Variants in MAP3K5 observed in about 807,000 individuals in gnomAD.
MAP3K5 encodes the protein ASK-1.
MAP3K5 carries 56 observed loss-of-function variants against 158.7 expected under a neutral mutation model. The observed-to-expected ratio is 0.35, with a 90% CI of 0.28 to 0.44. MAP3K5 has a LOEUF of 0.44. Ranked by LOEUF, MAP3K5 falls within the 20% of genes least tolerant of loss-of-function variation. The pLI is 1.00. For missense variants in MAP3K5, 1,294 were observed against 1,674.8 expected, an observed-to-expected ratio of 0.77 and a Z score of 3.97; for synonymous variants, 579 against 601.7, an observed-to-expected ratio of 0.96 and a Z score of 0.55.
chr6:136,647,247 A>G (rs891227533), intron 11 of MAP3K5, among the ~76,000 whole-genome samples: 23 of 152,194 alleles, frequency 1.5e-4, no homozygotes, highest in African/African-American at 5.3e-4. Context: ...AGCAACCATT[A>G]TGGAGCACTT....
intron 11 of MAP3K5, among the ~76,000 whole-genome samples, chr6:136,648,279 A>C (rs1778361251): frequency 6.6e-6 from 1 of 152,234 alleles, no homozygotes; most frequent in Admixed American, 6.5e-5. Context: ...CACAGTGGCA[A>C]ATATTGGCAT....
chr6:136,627,061 C>A (rs1240640443), intron 14 of MAP3K5, among the ~76,000 whole-genome samples: 2 of 152,162 alleles, frequency 1.3e-5, no homozygotes, highest in South Asian at 2.1e-4. Context: ...TTGTTAATAT[C>A]CATGGAACAT....
intron 13 of MAP3K5, 93 bp from the exon 14 acceptor site, chr6:136,637,499 GA>G: frequency 2.6e-6 from 2 of 770,000 alleles, no homozygotes; most frequent in Non-Finnish European, 4.7e-6. Flanking sequence ...CCAAAACTGA[GA>G]GCTAAGAGAG....
intron 25 of MAP3K5, among the ~76,000 whole-genome samples, chr6:136,575,702 A>G (rs1223581757): frequency 2.6e-5 from 4 of 152,218 alleles, no homozygotes; most frequent in Non-Finnish European, 5.9e-5. Flanking sequence ...TCTTGTGATT[A>G]GGTTGAGGTT....
chr6:136,593,758 T>G, intron 21 of MAP3K5: 1 of 414,246 alleles, frequency 2.4e-6, no homozygotes. Context: ...CAGAAACATC[T>G]TTATCAAACA....
intron 23 of MAP3K5, among the ~76,000 whole-genome samples, chr6:136,584,224 C>A (rs535556644): frequency 6.6e-6 from 1 of 152,120 alleles, no homozygotes; most frequent in African/African-American, 2.4e-5. Flanking sequence ...AGGATCTCAA[C>A]CTGAAAGTCT....
rs189916392 is a variant in MAP3K5 at position 136,639,515 on chromosome 6, T to C, written c.1934+28A>G. ...AAATAATGATCAGGTAAGAAGAATC[T>C]TTTTCACACACAATGACTAATACGT... is the stretch of plus-strand genomic sequence containing the variant. On this transcript the variant is annotated intron_variant, in intron 13 of 29. Transcript: ENST00000359015. The C allele has an allele frequency of 1.4e-4, 179 of 1,321,356 alleles. No homozygotes were observed. The African/African-American group carries it at 2.1e-3, about 16-fold the overall frequency. The allele number at this position is 1,321,356 out of a possible 1,614,324, so 81.9% of individuals were successfully genotyped here. A position where few individuals can be genotyped will look rare whatever the true frequency, so the allele number is the denominator to read the frequency against.
intron 21 of MAP3K5, among the ~76,000 whole-genome samples, chr6:136,593,016 G>T (rs1562530466): frequency 6.6e-6 from 1 of 152,178 alleles, no homozygotes; most frequent in African/African-American, 2.4e-5. Flanking sequence ...GGGCTTAAGT[G>T]TCTCCATTAG....
chr6:136,775,248 A>G (rs976780728), intron 1 of MAP3K5, among the ~76,000 whole-genome samples: 4 of 152,252 alleles, frequency 2.6e-5, no homozygotes, highest in Admixed American at 1.3e-4. Flanking sequence ...TGGATTCAGG[A>G]AGAAATTTAC....
intron 25 of MAP3K5, among the ~76,000 whole-genome samples, chr6:136,575,578 T>A (rs1027683453): frequency 3.9e-5 from 6 of 152,240 alleles, no homozygotes; most frequent in African/African-American, 1.4e-4. Context: ...CATGTCGCCT[T>A]AGTCTCTTCC....
At chr6:136,567,902 T>C in intron 25 of MAP3K5, 28 bp from the exon 26 acceptor site, 1 of 1,604,954 alleles carries the variant, frequency 6.2e-7, no homozygotes, top group South Asian at 1.1e-5. Context: ...AGTGGTAGTG[T>C]TTATAAAATA....
intron 7 of MAP3K5, among the ~76,000 whole-genome samples, chr6:136,689,834 C>T (rs1200232674): frequency 1.3e-5 from 2 of 151,994 alleles, no homozygotes; most frequent in African/African-American, 4.8e-5. Context: ...TCTGTTTTGG[C>T]AGCACATAAA....
intron 14 of MAP3K5, among the ~76,000 whole-genome samples, chr6:136,635,867 T>C (rs7776014): frequency 0.61 from 92,485 of 151,654 alleles, 28,415 homozygotes; most frequent in South Asian, 0.72. Flanking sequence ...CCAGCCCGGG[T>C]AACACAGCAA....
intron 23 of MAP3K5, among the ~76,000 whole-genome samples, chr6:136,591,054 T>C (rs6915449): frequency 1.4e-3 from 214 of 152,202 alleles, no homozygotes; most frequent in African/African-American, 4.9e-3. Context: ...GATCTGATGG[T>C]TTTACAAATG....
intron 1 of MAP3K5, among the ~76,000 whole-genome samples, chr6:136,722,882 A>G (rs9376225): frequency 0.54 from 81,133 of 151,448 alleles, 22,750 homozygotes; most frequent in African/African-American, 0.71. Flanking sequence ...AAACACAGGT[A>G]TCACTATGCT....
chr6:136,667,668 G>A (rs1263415845), intron 8 of MAP3K5, among the ~76,000 whole-genome samples: 1 of 151,896 alleles, frequency 6.6e-6, no homozygotes, highest in Admixed American at 6.6e-5. Flanking sequence ...GGGCAACATG[G>A]CAAAACCTCA....
chr6:136,635,128 T>TA (rs758234854), intron 14 of MAP3K5, among the ~76,000 whole-genome samples: 1,621 of 129,636 alleles, frequency 0.013, 19 homozygotes, highest in African/African-American at 0.029. Flanking sequence ...ATCTCTGGTT[T>TA]AAAAAAAAAA....
At chr6:136,616,173 C>T (rs1157285858) in intron 15 of MAP3K5, among the ~76,000 whole-genome samples, 1 of 151,934 alleles carries the variant, frequency 6.6e-6, no homozygotes, top group African/African-American at 2.4e-5. Flanking sequence ...TGAGATAACA[C>T]CAGAAATATC....
chr6:136,763,791 G>A (rs1783853021), intron 1 of MAP3K5, among the ~76,000 whole-genome samples: 2 of 152,236 alleles, frequency 1.3e-5, no homozygotes, highest in South Asian at 4.2e-4. Flanking sequence ...TCTAGGAGGT[G>A]ACTGGGTCAT....
Sources: allele counts gnomAD v4.1 joint callset (sites outside exome capture counted in the v4.1 genomes callset), GRCh38; gene constraint gnomAD v4.1.1; transcripts MANE v1.5; gene names NCBI Gene and HGNC (gene_info 2026-07-23, HGNC 2026-07-21).